Variants in CBLB observed in about 807,000 individuals in gnomAD.
The protein encoded by CBLB is E3 ubiquitin-protein ligase CBL-B.
Under a neutral mutation model 104.9 loss-of-function variants are expected in CBLB, and 31 were observed. The ratio of observed to expected loss-of-function variants is 0.30; its 90% CI spans 0.22 to 0.40. CBLB has a LOEUF of 0.40. Ranked by LOEUF, CBLB falls within the 10% of genes least tolerant of loss-of-function variation. The probability of loss-of-function intolerance (pLI) is 1.00; values close to 1 mark genes in which losing one functional copy is unlikely to be tolerated. For missense variants in CBLB, 1,062 were observed against 1,214.6 expected, an observed-to-expected ratio of 0.87 and a Z score of 1.87; for synonymous variants, 440 against 422.6, an observed-to-expected ratio of 1.04 and a Z score of -0.51.
intron 4 of CBLB, among the ~76,000 whole-genome samples, chr3:105,763,451 T>C (rs1377488490): frequency 6.6e-6 from 1 of 151,910 alleles, no homozygotes; most frequent in Non-Finnish European, 1.5e-5. Flanking sequence ...TAGGAGGTAT[T>C]TGAATCATGG....
intron 4 of CBLB, among the ~76,000 whole-genome samples, chr3:105,774,895 A>G (rs1222913061): frequency 1.3e-5 from 2 of 152,154 alleles, no homozygotes; most frequent in African/African-American, 4.8e-5. Flanking sequence ...ACTTTAAGAG[A>G]AAGTTTATTT....
chr3:105,779,819 C>A (rs2079952883), intron 3 of CBLB, among the ~76,000 whole-genome samples: 1 of 151,900 alleles, frequency 6.6e-6, no homozygotes, highest in Non-Finnish European at 1.5e-5. Flanking sequence ...GTAGTATGTG[C>A]TTTCTTTATT....
intron 17 of CBLB, among the ~76,000 whole-genome samples, chr3:105,674,384 C>T (rs931712127): frequency 2.6e-5 from 4 of 152,176 alleles, no homozygotes; most frequent in Non-Finnish European, 5.9e-5. Flanking sequence ...TTTCTGGATC[C>T]AAGAATAAAA....
chr3:105,714,279 G>A (rs1289646688), intron 10 of CBLB, among the ~76,000 whole-genome samples: 2 of 152,078 alleles, frequency 1.3e-5, no homozygotes, highest in Admixed American at 6.6e-5. Context: ...TTTTTTCCAC[G>A]AACGGTGGCA....
chr3:105,733,754 T>C (rs2074596553), intron 9 of CBLB, among the ~76,000 whole-genome samples: 1 of 152,204 alleles, frequency 6.6e-6, no homozygotes, highest in African/African-American at 2.4e-5. Flanking sequence ...TACCTATAAG[T>C]GAACATACTG....
At chr3:105,814,722 C>T (rs1421723736) in intron 3 of CBLB, among the ~76,000 whole-genome samples, 3 of 152,068 alleles carry the variant, frequency 2.0e-5, no homozygotes, top group Non-Finnish European at 2.9e-5. Context: ...GTCCTCATTA[C>T]CAATTTCATG....
intron 4 of CBLB, among the ~76,000 whole-genome samples, chr3:105,775,462 TA>T (rs2079348990): frequency 6.6e-6 from 1 of 152,226 alleles, no homozygotes; most frequent in Non-Finnish European, 1.5e-5. Flanking sequence ...TTTTTATGTC[TA>T]ATTTCATCAG....
chr3:105,751,378 G>A, intron 5 of CBLB, 84 bp downstream of exon 5: 1 of 922,648 alleles, frequency 1.1e-6, no homozygotes, highest in South Asian at 1.4e-5. Flanking sequence ...GTGTGTGAGA[G>A]AGAGACAGAG....
At chr3:105,668,211 C>A (rs1278661218) in intron 18 of CBLB, among the ~76,000 whole-genome samples, 2 of 152,084 alleles carry the variant, frequency 1.3e-5, no homozygotes, top group Admixed American at 6.5e-5. Flanking sequence ...AGGCTTCTGG[C>A]AAATGGCTAT....
chr3:105,839,345 T>G (rs532182492), intron 3 of CBLB: 1 of 152,324 alleles, frequency 6.6e-6, no homozygotes, highest in African/African-American at 2.4e-5. Flanking sequence ...TTAAAATGAT[T>G]ATATACATCA....
At chr3:105,835,220 A>C (rs1355819062) in intron 3 of CBLB, among the ~76,000 whole-genome samples, 1 of 152,210 alleles carries the variant, frequency 6.6e-6, no homozygotes, top group Non-Finnish European at 1.5e-5. Flanking sequence ...CTATATCATG[A>C]ATAGTTCTAA....
intron 3 of CBLB, among the ~76,000 whole-genome samples, chr3:105,837,740 A>G (rs757483623): frequency 2.0e-5 from 3 of 152,220 alleles, no homozygotes; most frequent in Non-Finnish European, 4.4e-5. Context: ...AAACATAAAT[A>G]ATAATGATAT....
At chr3:105,732,935 T>C (rs2152856939) in intron 9 of CBLB, among the ~76,000 whole-genome samples, 1 of 152,350 alleles carries the variant, frequency 6.6e-6, no homozygotes, top group African/African-American at 2.4e-5. Context: ...AATATACTTC[T>C]AACTTCAATA....
chr3:105,683,408 C>G (rs2152732500), intron 14 of CBLB, among the ~76,000 whole-genome samples: 1 of 152,288 alleles, frequency 6.6e-6, no homozygotes, highest in East Asian at 1.9e-4. Flanking sequence ...ACGTTTATTA[C>G]TTTTCTGTAA....
chr3:105,866,597 A>T (rs1219137236), intron 2 of CBLB, among the ~76,000 whole-genome samples: 1 of 152,216 alleles, frequency 6.6e-6, no homozygotes, highest in Non-Finnish European at 1.5e-5. Flanking sequence ...TACATCTTAA[A>T]TTTATTTTAT....
intron 3 of CBLB, among the ~76,000 whole-genome samples, chr3:105,804,502 C>T (rs2083275120): frequency 6.8e-6 from 1 of 147,946 alleles, no homozygotes; most frequent in African/African-American, 2.5e-5. Context: ...GCCTGGGTGA[C>T]AGAGCAAGAC....
At chr3:105,702,641 T>C (rs535862083) in intron 11 of CBLB, among the ~76,000 whole-genome samples, 182 bp from the exon 12 acceptor site, 2 of 151,928 alleles carry the variant, frequency 1.3e-5, no homozygotes, top group African/African-American at 4.8e-5. Context: ...GAAATTTAAA[T>C]GAGAATAAAA....
At position 105,829,936 on chromosome 3, in the gene CBLB, C is replaced by T. The variant is rs537941299; in HGVS notation, c.419+23478G>A. 4.4e-4 allele frequency among the ~76,000 whole-genome samples: 67 copies of T among 152,108 alleles called. 1 individual carries two copies. The East Asian group carries it at 8.9e-3, about 20-fold the overall frequency. On this transcript the variant is annotated intron_variant, in intron 3 of 18. Transcript: ENST00000394030. ...TTTAATTTAAGGGGATATCTCATTT[C>T]ATATGTAATTAGTCAGCACATGTAT...
At position 105,740,462 on chromosome 3, in the gene CBLB, T is replaced by TA. The variant is rs758402275; in HGVS notation, c.983+31dup. 3 of 1,612,396 alleles carry TA rather than the reference T, an allele frequency of 1.9e-6. No individual in the cohort carries two copies. The African/African-American group carries it at 4.0e-5, about 22-fold the overall frequency. On this transcript the variant is annotated intron_variant, in intron 7 of 18. Transcript: ENST00000394030. ...CTTTATTTTTCAAATTCATGAATCATAAGCACTCCAACTTCCATTTCTCAT... is the reference window on the plus strand; with the variant it reads ...CTTTATTTTTCAAATTCATGAATCATAAAGCACTCCAACTTCCATTTCTCAT...
Sources: gnomAD v4.1 joint callset for allele counts (sites outside exome capture counted in the v4.1 genomes callset) on GRCh38, gnomAD v4.1.1 for gene constraint, MANE v1.5 for transcripts, NCBI Gene and HGNC (gene_info 2026-07-23, HGNC 2026-07-21) for gene names.